The following XKR5 variants were observed in gnomAD, a reference collection of about 807,000 sequenced individuals.
The protein encoded by XKR5 is XK related 5.
In XKR5, 46 loss-of-function variants were observed where a neutral mutation model predicts 40.8. The ratio of observed to expected loss-of-function variants is 1.13; its 90% confidence interval spans 0.89 to 1.44. The LOEUF is 1.44. XKR5 is among the 40% of genes most tolerant of loss of function. The pLI is 0.00. For missense variants in XKR5, 1,169 were observed against 844.7 expected (o/e 1.38, Z -4.76); for synonymous variants, 466 against 356.1 (o/e 1.31, Z -3.48).
chr8:6,811,760 G>A lies in XKR5; in HGVS notation c.1499C>T (p.Thr500Ile). The A allele has an allele frequency of 1.3e-6, 2 of 1,537,592 alleles. No homozygotes were observed. Among genetic ancestry groups the A allele is most frequent in the Non-Finnish European group, 1.7e-6 (2 of 1,147,008 alleles). Residue 500 changes from threonine (T) to isoleucine (I), a missense_variant, in exon 7 of 7, where the codon ACC becomes ATC. Coordinates refer to ENST00000618742, the MANE Select transcript of XKR5 (RefSeq NM_207411.5). ...CCCCTGCGTGGCTGCTGGGTTCTGG[G>A]TAGGTGCTTCATCCTGCTGATCGCT... is the stretch of plus-strand genomic sequence containing the variant. ...FASDQQDEAP[T>I]QNPAATQGEG... is the part of the protein sequence containing the mutation.
chr8:6,816,052 G>C (rs2738077), intron 5 of XKR5, 134 bp from the exon 6 acceptor site: 226,847 of 628,150 alleles, frequency 0.36, 45,860 homozygotes, highest in East Asian at 0.74. Flanking sequence ...CTGCTGAGGA[G>C]TACCCAGGAG....
Position 6,810,996 on chromosome 8 carries a change from T to G in XKR5, c.*202A>C. On this transcript the variant is annotated 3_prime_UTR_variant, in exon 7 of 7. Transcript: ENST00000618742. The stretch of plus-strand genomic sequence containing the variant: ...AGTATGTTAGAGTCTCTCCTATGCA[T>G]GGGTGGGGTCTGTGATGTTTGCATT... The G allele has an allele frequency of 1.4e-5, 8 of 553,468 alleles. No homozygotes were observed. The highest frequency in any genetic ancestry group is 3.0e-5 in the East Asian group (1 of 32,896). The allele number at this position is 553,468 out of a possible 1,614,324, so 34.3% of individuals were successfully genotyped here.
intron 5 of XKR5, 46 bp from the exon 6 acceptor site, chr8:6,815,964 T>A: frequency 6.9e-7 from 1 of 1,445,024 alleles, no homozygotes; most frequent in Non-Finnish European, 9.5e-7. Context: ...AGGTGCACAC[T>A]GCCTAGGGAC....
intron 1 of XKR5, among the ~76,000 whole-genome samples, chr8:6,834,585 G>T (rs1804921681): frequency 1.3e-5 from 2 of 152,232 alleles, no homozygotes; most frequent in Admixed American, 6.5e-5. Context: ...TGTGCGTCCT[G>T]CTCGGCGCGC....
intron 3 of XKR5, among the ~76,000 whole-genome samples, chr8:6,824,446 G>A (rs951178302): frequency 6.6e-6 from 1 of 152,152 alleles, no homozygotes; most frequent in Non-Finnish European, 1.5e-5. Flanking sequence ...AGTGGGAGCT[G>A]GAGACAAATG....
rs1005673790 is a variant in XKR5, at chr8:6,808,876, A to G, written c.*2322T>C. The G allele has an allele frequency of 6.6e-6, 1 of 152,228 alleles. No homozygotes were observed. Among genetic ancestry groups the G allele is most frequent in the Non-Finnish European group, 1.5e-5 (1 of 68,048 alleles). The allele number at this position is 152,228 out of a possible 1,614,324, so 9.4% of individuals were successfully genotyped here. On this transcript the variant is annotated 3_prime_UTR_variant, in exon 7 of 7. Coordinates refer to ENST00000618742, the MANE Select transcript of XKR5 (RefSeq NM_207411.5). ...TGATCCAGGATATGCACTCAAGCTG[A>G]AATTCATGCCCACAGCCCCGCTCGT...
intron 2 of XKR5, among the ~76,000 whole-genome samples, chr8:6,828,790 C>T (rs1192733626): frequency 6.6e-6 from 1 of 152,184 alleles, no homozygotes; most frequent in Non-Finnish European, 1.5e-5. Flanking sequence ...TTGCTCAAAC[C>T]CTTCCAACAG....
chr8:6,812,638 G>A (rs13255666), intron 6 of XKR5, among the ~76,000 whole-genome samples: 1 of 152,160 alleles, frequency 6.6e-6, no homozygotes, highest in Non-Finnish European at 1.5e-5. Context: ...GTGTGTGAGT[G>A]TGCATTCATG....
At chr8:6,826,056 G>T (rs1295788187) in intron 2 of XKR5, among the ~76,000 whole-genome samples, 1 of 152,188 alleles carries the variant, frequency 6.6e-6, no homozygotes, top group African/African-American at 2.4e-5. Context: ...TGAGATGAAT[G>T]TGTATGGATT....
intron 1 of XKR5, 32 bp downstream of exon 1, chr8:6,835,404 G>T (rs1587216388): frequency 6.3e-6 from 9 of 1,434,388 alleles, no homozygotes; most frequent in South Asian, 1.4e-5. Flanking sequence ...GGGGCTGCAG[G>T]GGTGAGCACA....
intron 2 of XKR5, among the ~76,000 whole-genome samples, 175 bp from the exon 3 acceptor site, chr8:6,825,524 T>A (rs1269132518): frequency 2.0e-5 from 3 of 151,354 alleles, no homozygotes; most frequent in East Asian, 4.0e-4. Flanking sequence ...AGACGTCACT[T>A]CTATGTAAGT....
intron 2 of XKR5, among the ~76,000 whole-genome samples, chr8:6,832,181 T>C (rs1804800362): frequency 6.6e-6 from 1 of 152,186 alleles, no homozygotes; most frequent in Non-Finnish European, 1.5e-5. Flanking sequence ...CCTGTCGTGA[T>C]GGTCTATGGA....
chr8:6,827,490 A>T (rs2117110679), intron 2 of XKR5, among the ~76,000 whole-genome samples: 1 of 152,286 alleles, frequency 6.6e-6, no homozygotes, highest in Middle Eastern at 3.4e-3. Flanking sequence ...AAATGGCTTT[A>T]TTCATGGTGC....
At chr8:6,832,696 G>T in intron 2 of XKR5, 21 bp downstream of exon 2, 1 of 1,612,052 alleles carries the variant, frequency 6.2e-7, no homozygotes, top group Middle Eastern at 1.7e-4. Flanking sequence ...CTCCAGAGGT[G>T]AAAGAGGCAG....
chr8:6,818,628 A>G (rs9773951), intron 5 of XKR5, among the ~76,000 whole-genome samples: 1,629 of 152,378 alleles, frequency 0.011, 26 homozygotes, highest in African/African-American at 0.037. Context: ...GAGCTAGGCC[A>G]GTCATAGTGT....
intron 5 of XKR5, among the ~76,000 whole-genome samples, chr8:6,819,105 C>G (rs1804098774): frequency 6.6e-6 from 1 of 152,232 alleles, no homozygotes; most frequent in South Asian, 2.1e-4. Context: ...GGGTGGTACA[C>G]TCTCCAGTGG....
In XKR5 at chr8:6,810,300, A is replaced by G. The variant is rs1179029076; in HGVS notation, c.*898T>C. ...ACACTTTAGAGTGGAGGAGTCAGAG[A>G]GAAGGAGAGTGCGAGAGGAATGGAC... On this transcript the variant is annotated 3_prime_UTR_variant, in exon 7 of 7. Coordinates refer to ENST00000618742, the MANE Select transcript of XKR5 (RefSeq NM_207411.5). 6.6e-6 allele frequency: 1 copy of G among 152,296 alleles called. No homozygotes were observed. Among genetic ancestry groups the G allele is most frequent in the Non-Finnish European group, 1.5e-5 (1 of 68,052 alleles). The allele number at this position is 152,296 out of a possible 1,614,324, so 9.4% of individuals were successfully genotyped here.
At position 6,812,111 on chromosome 8, in the gene XKR5, A is replaced by T. The variant is rs1803744036; in HGVS notation, c.1148T>A (p.Val383Asp). The T allele has an allele frequency of 4.5e-6, 7 of 1,546,538 alleles. No homozygotes were observed. The highest frequency in any genetic ancestry group is 1.4e-5 in the African/African-American group (1 of 73,144). The change falls in exon 7 of 7, where the codon GTC (valine) becomes GAC (aspartate). Residue 383 changes from valine to aspartate, a missense_variant. Physicochemically the swap from Val to Asp is radical, Grantham distance 152 (BLOSUM62 -3). Coordinates refer to ENST00000618742, the MANE Select transcript of XKR5 (RefSeq NM_207411.5). The stretch of plus-strand genomic sequence containing the variant: ...GGTCCCCAGCCCAGCCTCTGGGGGG[A>T]CCTGCTCAGGGGTAGGGGGCTTCCC... ...ILGKPPTPEQ[V>D]PPEAGLGTQV...
intron 3 of XKR5, 70 bp from the exon 4 acceptor site, chr8:6,823,800 C>T (rs897587558): frequency 1.5e-6 from 2 of 1,330,942 alleles, no homozygotes; most frequent in Non-Finnish European, 2.1e-6. Flanking sequence ...TGAAGATTCA[C>T]TCATGGCATT....
Sources: allele counts gnomAD v4.1 joint callset (sites outside exome capture counted in the v4.1 genomes callset), GRCh38; gene constraint gnomAD v4.1.1; transcripts MANE v1.5; gene names NCBI Gene and HGNC (gene_info 2026-07-23, HGNC 2026-07-21).